Variants in WWOX observed in about 807,000 individuals in gnomAD.
The protein encoded by WWOX is WW domain-containing oxidoreductase.
In WWOX, 69 loss-of-function variants were observed where a neutral mutation model predicts 46.2. That is an observed-to-expected ratio of 1.49 (90% confidence interval 1.23 to 1.82). The LOEUF is 1.82. WWOX is among the 40% of genes most tolerant of loss of function. WWOX has a pLI of 0.00. For missense variants in WWOX, 919 were observed against 542.6 expected (o/e 1.69, Z -6.89); for synonymous variants, 359 against 202.6 (o/e 1.77, Z -6.56).
intron 5 of WWOX, among the ~76,000 whole-genome samples, chr16:78,279,713 G>C (rs1212273483): frequency 6.6e-6 from 1 of 152,192 alleles, no homozygotes; most frequent in Non-Finnish European, 1.5e-5. Context: ...TAGTAGATTG[G>C]TAATAGTAAG....
At chr16:78,770,933 C>T (rs769446158) in intron 8 of WWOX, among the ~76,000 whole-genome samples, 1 of 152,184 alleles carries the variant, frequency 6.6e-6, no homozygotes, top group African/African-American at 2.4e-5. Context: ...ATTATGTGTG[C>T]TGTTTGATAG....
intron 8 of WWOX, among the ~76,000 whole-genome samples, chr16:78,866,067 G>C (rs952017683): frequency 6.6e-6 from 1 of 152,210 alleles, no homozygotes; most frequent in African/African-American, 2.4e-5. Flanking sequence ...CCAAGGTGCA[G>C]ATTCTAGTTG....
intron 6 of WWOX, among the ~76,000 whole-genome samples, chr16:78,421,494 G>A (rs2082929740): frequency 1.3e-5 from 2 of 152,084 alleles, no homozygotes; most frequent in African/African-American, 4.8e-5. Context: ...TAAGATGTGG[G>A]ACTTAATCAC....
intron 8 of WWOX, among the ~76,000 whole-genome samples, chr16:79,122,081 G>T (rs1481058561): frequency 6.6e-6 from 1 of 152,194 alleles, no homozygotes; most frequent in Non-Finnish European, 1.5e-5. Context: ...GTGTGAGGGT[G>T]TGTGCTCAGC....
intron 8 of WWOX, among the ~76,000 whole-genome samples, chr16:78,868,690 A>G (rs575679581): frequency 1.3e-5 from 2 of 152,318 alleles, no homozygotes; most frequent in South Asian, 4.1e-4. Flanking sequence ...CTGAGATTGA[A>G]GAGAGGAAGG....
At chr16:78,972,060 C>T (rs746692694) in intron 8 of WWOX, among the ~76,000 whole-genome samples, 1 of 152,058 alleles carries the variant, frequency 6.6e-6, no homozygotes, top group African/African-American at 2.4e-5. Context: ...CCTGATCTGC[C>T]GGAAGGTCTC....
intron 8 of WWOX, among the ~76,000 whole-genome samples, chr16:78,987,670 C>T (rs1448762788): frequency 2.0e-5 from 3 of 152,172 alleles, no homozygotes; most frequent in Non-Finnish European, 4.4e-5. Flanking sequence ...TGTTTCTGTA[C>T]AGGGCCCTCC....
chr16:78,799,056 A>G (rs532733872), intron 8 of WWOX, among the ~76,000 whole-genome samples: 3 of 152,318 alleles, frequency 2.0e-5, no homozygotes, highest in South Asian at 2.1e-4. Flanking sequence ...TGTATCGTCT[A>G]TACCTTGTCA....
At chr16:79,099,280 T>G (rs2049141566) in intron 8 of WWOX, among the ~76,000 whole-genome samples, 1 of 152,130 alleles carries the variant, frequency 6.6e-6, no homozygotes, top group Non-Finnish European at 1.5e-5. Flanking sequence ...AACATGAGAT[T>G]TGGTGGGGAC....
chr16:79,161,649 A>C (rs1196666296), intron 8 of WWOX, among the ~76,000 whole-genome samples: 3 of 152,056 alleles, frequency 2.0e-5, no homozygotes, highest in Non-Finnish European at 4.4e-5. Flanking sequence ...CAGCTTCCCG[A>C]GTAGCTGGGA....
At chr16:78,644,642 T>A (rs1251893726) in intron 8 of WWOX, among the ~76,000 whole-genome samples, 2 of 152,118 alleles carry the variant, frequency 1.3e-5, no homozygotes, top group African/African-American at 2.4e-5. Context: ...TTTGTACTTT[T>A]AGTAGAGATG....
Position 78,432,522 on chromosome 16 carries a change from G to A in WWOX, c.826G>A (p.Asp276Asn), listed in dbSNP as rs1213814231. ...TDINDSLGKL[D>N]FSRLSPTKND... ...TATTAACGACTCCTTGGGAAAACTG[G>A]ACTTCAGTCGCCTCTCTCCAACAAA... Residue 276 changes from aspartate to asparagine, a missense_variant, in exon 8 of 9, where the codon GAC (aspartate) becomes AAC (asparagine). Asp to Asn is a conservative substitution (Grantham distance 23, BLOSUM62 1). Transcript: ENST00000566780. The A allele has an allele frequency of 1.9e-6, 3 of 1,613,962 alleles. No individual in the cohort carries two copies. The highest frequency in any genetic ancestry group is 2.5e-6 in the Non-Finnish European group (3 of 1,180,014).
chr16:78,653,993 A>G (rs372588895), intron 8 of WWOX, among the ~76,000 whole-genome samples: 31 of 152,366 alleles, frequency 2.0e-4, no homozygotes, highest in African/African-American at 7.5e-4. Flanking sequence ...AGAGAAATTA[A>G]GATCTGCTCA....
chr16:78,423,588 G>C lies in WWOX; in HGVS notation c.606-1282G>C, dbSNP rs140019527. Among the ~76,000 whole-genome samples the C allele has an allele frequency of 5.4e-3, 823 of 152,176 alleles. 12 individuals carry two copies. The highest frequency in any genetic ancestry group is 0.018 in the South Asian group (86 of 4,810). On this transcript the variant is annotated intron_variant, in intron 6 of 8. Transcript: ENST00000566780. ...TTGTTAACAATTTTGTTACGTTTGT[G>C]AGGCCTAGGCAGAAGGATTGCTTGA...
At chr16:78,688,133 A>T (rs1251341707) in intron 8 of WWOX, among the ~76,000 whole-genome samples, 1 of 152,164 alleles carries the variant, frequency 6.6e-6, no homozygotes, top group Non-Finnish European at 1.5e-5. Flanking sequence ...AGTTTTCTGC[A>T]ATAGAAATGC....
chr16:79,018,255 C>A (rs944930978), intron 8 of WWOX, among the ~76,000 whole-genome samples: 1 of 152,240 alleles, frequency 6.6e-6, no homozygotes, highest in African/African-American at 2.4e-5. Context: ...TATGTAAAAT[C>A]AGCAATCAGC....
intron 8 of WWOX, among the ~76,000 whole-genome samples, chr16:79,174,240 T>C (rs2050756462): frequency 6.6e-6 from 1 of 152,242 alleles, no homozygotes; most frequent in African/African-American, 2.4e-5. Context: ...CCACCAATGC[T>C]GTACACTTTG....
chr16:78,402,856 G>T (rs1422732304), intron 6 of WWOX, among the ~76,000 whole-genome samples: 1 of 151,340 alleles, frequency 6.6e-6, no homozygotes, highest in Non-Finnish European at 1.5e-5. Flanking sequence ...TTGCTTTACA[G>T]CTGGTGACAG....
At chr16:78,231,554 G>C (rs1299483809) in intron 5 of WWOX, among the ~76,000 whole-genome samples, 5 of 152,178 alleles carry the variant, frequency 3.3e-5, no homozygotes, top group African/African-American at 1.2e-4. Flanking sequence ...CTCCTCTGCA[G>C]AATCCAAATG....
Sources: allele counts gnomAD v4.1 joint callset (sites outside exome capture counted in the v4.1 genomes callset), GRCh38; gene constraint gnomAD v4.1.1; transcripts MANE v1.5; gene names NCBI Gene and HGNC (gene_info 2026-07-23, HGNC 2026-07-21).